Variants in CFAP299 observed in about 807,000 individuals in gnomAD.
CFAP299 encodes the protein cilia- and flagella-associated protein 299.
In CFAP299, 21 loss-of-function variants were observed where a neutral mutation model predicts 27.0. The observed-to-expected ratio is 0.78, with a 90% CI of 0.55 to 1.12. CFAP299 has a LOEUF of 1.12. Ranked by LOEUF, CFAP299 falls within the 50% of genes most tolerant of loss-of-function variation. CFAP299 has a pLI of 0.00. For missense variants in CFAP299, 310 were observed against 276.6 expected (o/e 1.12, Z -0.86); for synonymous variants, 104 against 98.1 (o/e 1.06, Z -0.36).
chr4:80,931,951 C>T (rs914984972), intron 4 of CFAP299, among the ~76,000 whole-genome samples: 1 of 152,154 alleles, frequency 6.6e-6, no homozygotes, highest in Non-Finnish European at 1.5e-5. Context: ...GAGTTTATTC[C>T]TTGCCTTCCC....
At chr4:80,406,544 T>A (rs1460629777) in intron 2 of CFAP299, among the ~76,000 whole-genome samples, 1 of 152,152 alleles carries the variant, frequency 6.6e-6, no homozygotes, top group Non-Finnish European at 1.5e-5. Context: ...TTGTTTACTT[T>A]TTTTAGAGAT....
intron 4 of CFAP299, chr4:80,871,229 T>G: frequency 1.0e-6 from 1 of 985,468 alleles, no homozygotes; most frequent in Non-Finnish European, 1.2e-6. Flanking sequence ...GTAATGGACT[T>G]AGCTCTTTCC....
rs553703697 is a variant in CFAP299, at chr4:80,900,299, ATCAAC to A, written c.476+30167_476+30171del. Among the ~76,000 whole-genome samples, 111 of 152,264 alleles carry A rather than the reference ATCAAC, an allele frequency of 7.3e-4. 4 individuals are homozygous for A. The South Asian group carries it at 0.023, about 31-fold the overall frequency. On this transcript the variant is annotated intron_variant, in intron 4 of 5. Transcript: ENST00000358105. ...ATAATTCTATCCAATAGCATTCTAA[ATCAAC>A]TCTTTTATGTTTCTCTCTTATTATT...
chr4:80,767,406 A>G (rs963614709), intron 3 of CFAP299, among the ~76,000 whole-genome samples: 6 of 152,094 alleles, frequency 3.9e-5, no homozygotes, highest in African/African-American at 1.4e-4. Flanking sequence ...TCAGGAGATC[A>G]AGACCATCCT....
intron 3 of CFAP299, among the ~76,000 whole-genome samples, chr4:80,689,544 G>C (rs1010047188): frequency 1.3e-5 from 2 of 152,074 alleles, no homozygotes; most frequent in African/African-American, 4.8e-5. Context: ...TGAAGGAAGT[G>C]CTAAACATGG....
chr4:80,686,083 GTA>G (rs1720172170), intron 3 of CFAP299, among the ~76,000 whole-genome samples: 1 of 151,708 alleles, frequency 6.6e-6, no homozygotes, highest in South Asian at 2.1e-4. Context: ...GACCAACCAA[GTA>G]TAGCATACAT....
At chr4:80,650,023 TTACTTTGTAAA>T (rs1161461795) in intron 3 of CFAP299, among the ~76,000 whole-genome samples, 3 of 152,112 alleles carry the variant, frequency 2.0e-5, no homozygotes, top group Admixed American at 6.6e-5. Context: ...GGAGGTTAGC[TTACTTTGTAAA>T]TATGCAAAAT....
At chr4:80,620,114 G>A (rs1044127761) in intron 3 of CFAP299, among the ~76,000 whole-genome samples, 1 of 152,098 alleles carries the variant, frequency 6.6e-6, no homozygotes, top group Non-Finnish European at 1.5e-5. Flanking sequence ...ATATTTTCAT[G>A]AGTTAAATGT....
intron 2 of CFAP299, among the ~76,000 whole-genome samples, chr4:80,502,988 A>G (rs1731815866): frequency 6.6e-6 from 1 of 152,108 alleles, no homozygotes; most frequent in Non-Finnish European, 1.5e-5. Flanking sequence ...GTTAGATAAG[A>G]CTTCCCTAAG....
At chr4:80,544,308 A>C (rs1459552169) in intron 2 of CFAP299, among the ~76,000 whole-genome samples, 1 of 152,220 alleles carries the variant, frequency 6.6e-6, no homozygotes, top group Non-Finnish European at 1.5e-5. Context: ...AAGTCTACAT[A>C]ACAACTGGCT....
chr4:80,932,639 A>G (rs1014706483), intron 4 of CFAP299, among the ~76,000 whole-genome samples: 1 of 152,190 alleles, frequency 6.6e-6, no homozygotes, highest in Admixed American at 6.6e-5. Context: ...GATCAACCAT[A>G]AAAAAACATG....
intron 3 of CFAP299, among the ~76,000 whole-genome samples, chr4:80,601,676 C>T (rs1309887998): frequency 6.6e-6 from 1 of 152,082 alleles, no homozygotes; most frequent in Non-Finnish European, 1.5e-5. Flanking sequence ...CCTAGGGTCA[C>T]CACGCCACCT....
chr4:80,856,488 T>C (rs894289983), intron 3 of CFAP299, among the ~76,000 whole-genome samples: 2 of 152,104 alleles, frequency 1.3e-5, no homozygotes, highest in African/African-American at 2.4e-5. Context: ...CATGCCCATG[T>C]CCTGAATGGT....
intron 4 of CFAP299, among the ~76,000 whole-genome samples, chr4:80,917,393 G>A (rs1449741629): frequency 6.6e-6 from 1 of 152,094 alleles, no homozygotes; most frequent in Non-Finnish European, 1.5e-5. Context: ...TTACTAAAAG[G>A]AAAACTAATA....
intron 2 of CFAP299, among the ~76,000 whole-genome samples, chr4:80,482,072 CA>C (rs1730594385): frequency 6.6e-6 from 1 of 151,742 alleles, no homozygotes; most frequent in Non-Finnish European, 1.5e-5. Flanking sequence ...GTGGAAGAGT[CA>C]GAAAATCTTG....
intron 2 of CFAP299, among the ~76,000 whole-genome samples, chr4:80,435,860 A>G (rs1306865529): frequency 6.6e-6 from 1 of 152,258 alleles, no homozygotes; most frequent in South Asian, 2.1e-4. Flanking sequence ...ATTTCTTTAC[A>G]AGCCTTGAGT....
At chr4:80,789,637 A>G (rs1039230263) in intron 3 of CFAP299, among the ~76,000 whole-genome samples, 1 of 152,058 alleles carries the variant, frequency 6.6e-6, no homozygotes, top group Admixed American at 6.6e-5. Flanking sequence ...ACACGTATTT[A>G]TTCTTCGCAT....
the CFAP299 span, among the ~76,000 whole-genome samples, chr4:80,323,908 C>T: frequency 1.3e-5 from 2 of 152,178 alleles, no homozygotes; most frequent in Non-Finnish European, 2.9e-5. Flanking sequence ...TTTTTGATAG[C>T]TTCCATTGTA....
At chr4:80,703,451 A>G (rs758556137) in intron 3 of CFAP299, among the ~76,000 whole-genome samples, 1 of 151,662 alleles carries the variant, frequency 6.6e-6, no homozygotes, top group Non-Finnish European at 1.5e-5. Context: ...GGGCTGCTTT[A>G]AAGGCAGAAG....
Sources: allele counts gnomAD v4.1 joint callset (sites outside exome capture counted in the v4.1 genomes callset), GRCh38; gene constraint gnomAD v4.1.1; transcripts MANE v1.5; gene names NCBI Gene and HGNC (gene_info 2026-07-23, HGNC 2026-07-21).